Variants in TEX9 observed in about 807,000 individuals in gnomAD.
The protein encoded by TEX9 is testis-expressed protein 9.
TEX9 carries 74 observed loss-of-function variants against 59.6 expected under a neutral mutation model. The ratio of observed to expected loss-of-function variants is 1.24; its 90% CI spans 1.03 to 1.51. The LOEUF (loss-of-function observed/expected upper bound fraction) is 1.51, where lower values mean the gene tolerates loss of function less well. Ranked by LOEUF, TEX9 falls within the 40% of genes most tolerant of loss-of-function variation. The pLI is 0.00. For missense variants in TEX9, 522 were observed against 447.8 expected (o/e 1.17, Z -1.49); for synonymous variants, 186 against 152.2 (o/e 1.22, Z -1.64).
At chr15:56,456,834 C>A in the TEX9 span, among the ~76,000 whole-genome samples, 1 of 151,844 alleles carries the variant, frequency 6.6e-6, no homozygotes, top group Non-Finnish European at 1.5e-5. Context: ...TTCCCTTATT[C>A]TTTTTCTGCT....
chr15:56,258,382 A>G (rs2044189422), intron 1 of TEX9, among the ~76,000 whole-genome samples: 1 of 152,098 alleles, frequency 6.6e-6, no homozygotes, highest in African/African-American at 2.4e-5. Context: ...TTTGGTCAGT[A>G]TGGCCATTTT....
At chr15:56,356,002 A>G (rs1220246343) in intron 1 of TEX9, among the ~76,000 whole-genome samples, 2 of 152,058 alleles carry the variant, frequency 1.3e-5, no homozygotes, top group East Asian at 3.8e-4. Flanking sequence ...TCGCATCCTA[A>G]AACTTTGCTA....
chr15:56,379,567 C>G (rs1262868406), intron 3 of TEX9, among the ~76,000 whole-genome samples: 1 of 152,188 alleles, frequency 6.6e-6, no homozygotes, highest in Non-Finnish European at 1.5e-5. Flanking sequence ...TCCACTTGTT[C>G]TGCAGTGCAG....
At chr15:56,373,578 T>A in intron 3 of TEX9, 74 bp downstream of exon 3, 1 of 1,281,478 alleles carries the variant, frequency 7.8e-7, no homozygotes, top group Non-Finnish European at 1.0e-6. Context: ...ATATATGACA[T>A]ATATACAAAA....
At chr15:56,273,114 C>T (rs777183369) in intron 1 of TEX9, among the ~76,000 whole-genome samples, 10 of 151,786 alleles carry the variant, frequency 6.6e-5, no homozygotes, top group African/African-American at 1.2e-4. Context: ...CCACCACACC[C>T]GGCTAATTTT....
intron 1 of TEX9, among the ~76,000 whole-genome samples, chr15:56,262,359 C>T (rs1482204474): frequency 2.6e-5 from 4 of 152,150 alleles, no homozygotes; most frequent in African/African-American, 9.7e-5. Context: ...ATCTTGAGTA[C>T]TGGTTTATTT....
intron 1 of TEX9, among the ~76,000 whole-genome samples, chr15:56,297,000 A>G (rs1255353969): frequency 1.3e-5 from 2 of 152,140 alleles, no homozygotes; most frequent in East Asian, 1.9e-4. Flanking sequence ...TTTGATCCCT[A>G]TTGGGTTATG....
chr15:56,341,378 A>G lies in TEX9; in HGVS notation c.-106-32063A>G, dbSNP rs568294222. Among the ~76,000 whole-genome samples the G allele has an allele frequency of 2.2e-4, 33 of 152,294 alleles. No individual in the cohort carries two copies. The South Asian group carries it at 6.4e-3, about 30-fold the overall frequency. Reference sequence around the variant, plus strand: ...CAACCACAGTTGAAAAGTGTTAACAATTTTACTGCTTTAACGTATCTTGAA... The same window carrying G: ...CAACCACAGTTGAAAAGTGTTAACAGTTTTACTGCTTTAACGTATCTTGAA... On this transcript the variant is annotated intron_variant, in intron 1 of 5. Transcript: ENST00000560827.
At chr15:56,291,624 C>G (rs2045094841) in intron 1 of TEX9, among the ~76,000 whole-genome samples, 1 of 152,156 alleles carries the variant, frequency 6.6e-6, no homozygotes, top group Non-Finnish European at 1.5e-5. Context: ...ACCAAGATGT[C>G]CAGCAGATCT....
intron 1 of TEX9, among the ~76,000 whole-genome samples, chr15:56,253,502 T>C (rs2044076272): frequency 6.6e-6 from 1 of 152,146 alleles, no homozygotes; most frequent in Admixed American, 6.6e-5. Context: ...CTGAGGTCCC[T>C]AAAGAAAGCC....
chr15:56,293,841 C>T (rs976591245), intron 1 of TEX9, among the ~76,000 whole-genome samples: 5 of 152,212 alleles, frequency 3.3e-5, no homozygotes, highest in African/African-American at 1.2e-4. Context: ...ACCAGAAGCT[C>T]CACATTTGGA....
At chr15:56,248,666 CTACA>C (rs1264135336) in intron 1 of TEX9, 4 of 152,184 alleles carry the variant, frequency 2.6e-5, no homozygotes, top group African/African-American at 9.7e-5. Flanking sequence ...TTAATATCAT[CTACA>C]TACATTTTAA....
chr15:56,427,582 G>A, intron 10 of TEX9, 23 bp from the exon 11 acceptor site: 1 of 1,444,918 alleles, frequency 6.9e-7, no homozygotes, highest in Non-Finnish European at 9.3e-7. Context: ...AAAAATATAT[G>A]GCACTTTTTT....
chr15:56,325,485 T>G (rs766789552), intron 1 of TEX9, among the ~76,000 whole-genome samples: 1 of 152,174 alleles, frequency 6.6e-6, no homozygotes, highest in Non-Finnish European at 1.5e-5. Context: ...TGCTCCATAC[T>G]TAACCTCTTA....
intron 1 of TEX9, among the ~76,000 whole-genome samples, chr15:56,351,714 T>A (rs2046584147): frequency 1.3e-5 from 2 of 152,162 alleles, no homozygotes; most frequent in South Asian, 4.1e-4. Context: ...AATATTGAAC[T>A]AAAAAAATTC....
At chr15:56,441,858 C>T (rs1352919459) in intron 12 of TEX9, among the ~76,000 whole-genome samples, 1 of 151,584 alleles carries the variant, frequency 6.6e-6, no homozygotes, top group Non-Finnish European at 1.5e-5. Flanking sequence ...ACTAAAAATA[C>T]AAAAGAAAAA....
chr15:56,429,099 T>TATC, intron 12 of TEX9: 1 of 1,573,066 alleles, frequency 6.4e-7, no homozygotes, highest in Non-Finnish European at 8.7e-7. Context: ...ATTTTGATGA[T>TATC]ATCATTTCTC....
chr15:56,403,852 G>A (rs1290487193), intron 9 of TEX9, among the ~76,000 whole-genome samples: 1 of 152,112 alleles, frequency 6.6e-6, no homozygotes, highest in Non-Finnish European at 1.5e-5. Flanking sequence ...TCTGATCTTT[G>A]ACAAACCTGA....
rs1262736254 is a variant in TEX9 at position 56,392,268 on chromosome 15, G to A, written c.571+850G>A. Among the ~76,000 whole-genome samples, 3 of 152,200 alleles carry A rather than the reference G, an allele frequency of 2.0e-5. No individual in the cohort carries two copies. The East Asian group carries it at 5.8e-4, about 29-fold the overall frequency. ...GGTTTAATTGGCTCATGGTACTGCAGGCTGTATAGGAAGCATAGCAGTTTC... is the reference window on the plus strand; with the variant it reads ...GGTTTAATTGGCTCATGGTACTGCAAGCTGTATAGGAAGCATAGCAGTTTC... On this transcript the variant is annotated intron_variant, in intron 7 of 12. Coordinates refer to ENST00000352903, the Ensembl canonical transcript of TEX9.
Sources: gnomAD v4.1 joint callset for allele counts (sites outside exome capture counted in the v4.1 genomes callset) on GRCh38, gnomAD v4.1.1 for gene constraint, MANE v1.5 for transcripts, NCBI Gene and HGNC (gene_info 2026-07-23, HGNC 2026-07-21) for gene names.